The following ARHGAP44 variants were observed in gnomAD, a reference collection of about 807,000 sequenced individuals.
ARHGAP44 encodes the protein rho GTPase-activating protein 44.
Under a neutral mutation model 106.8 loss-of-function variants are expected in ARHGAP44, and 43 were observed. The ratio of observed to expected loss-of-function variants is 0.40; its 90% CI spans 0.32 to 0.52. The LOEUF is 0.52. ARHGAP44 is among the 20% of genes least tolerant of loss of function. The pLI is 0.48. For synonymous variants in ARHGAP44, 439 were observed against 410.3 expected (o/e 1.07, Z -0.85); for missense variants, 866 against 1,050.5 (o/e 0.82, Z 2.43).
chr17:12,866,569 C>T (rs767793210), intron 1 of ARHGAP44, among the ~76,000 whole-genome samples: 19 of 151,970 alleles, frequency 1.3e-4, no homozygotes, highest in South Asian at 2.1e-4. Context: ...GAAATTAGAC[C>T]GGCAAAAGAT....
intron 1 of ARHGAP44, among the ~76,000 whole-genome samples, chr17:12,845,442 A>G (rs1205090027): frequency 6.9e-6 from 1 of 143,930 alleles, no homozygotes; most frequent in Non-Finnish European, 1.5e-5. Flanking sequence ...CGGGAGGCGG[A>G]GGTTGCAGTG....
At chr17:12,971,144 G>A (rs773838244) in intron 16 of ARHGAP44, among the ~76,000 whole-genome samples, 3 of 152,178 alleles carry the variant, frequency 2.0e-5, no homozygotes, top group East Asian at 1.9e-4. Context: ...GAAGTAGCAC[G>A]TTGAACCCAT....
At chr17:12,944,230 C>A (rs755660479) in intron 10 of ARHGAP44, 34 bp downstream of exon 10, 2 of 1,559,272 alleles carry the variant, frequency 1.3e-6, no homozygotes, top group Admixed American at 1.8e-5. Flanking sequence ...CCGCCCCGGG[C>A]AGGTCTCCTC....
intron 1 of ARHGAP44, among the ~76,000 whole-genome samples, chr17:12,886,813 C>T (rs1021306848): frequency 2.0e-5 from 3 of 151,990 alleles, no homozygotes; most frequent in Non-Finnish European, 2.9e-5. Context: ...CTTAAACTTC[C>T]AGGACCATGA....
chr17:12,908,808 C>A (rs2150939632), intron 3 of ARHGAP44, 89 bp from the exon 4 acceptor site: 2 of 1,013,706 alleles, frequency 2.0e-6, no homozygotes, highest in Non-Finnish European at 3.0e-6. Flanking sequence ...TAATATAATA[C>A]CTTGGCAAGT....
chr17:12,874,188 C>T (rs1328899119), intron 1 of ARHGAP44, among the ~76,000 whole-genome samples: 5 of 152,122 alleles, frequency 3.3e-5, no homozygotes, highest in African/African-American at 9.7e-5. Flanking sequence ...AAGAGGCTGA[C>T]GGTTGAGTCT....
chr17:12,868,746 C>T (rs1480403369), intron 1 of ARHGAP44, among the ~76,000 whole-genome samples: 1 of 150,832 alleles, frequency 6.6e-6, no homozygotes, highest in Non-Finnish European at 1.5e-5. Flanking sequence ...CAACCTCCAC[C>T]TCCCGGGTTC....
At chr17:12,845,452 G>A (rs559299418) in intron 1 of ARHGAP44, among the ~76,000 whole-genome samples, 61 of 147,082 alleles carry the variant, frequency 4.1e-4, no homozygotes, top group African/African-American at 1.5e-3. Flanking sequence ...AGGTTGCAGT[G>A]AGCCGAGATC....
intron 1 of ARHGAP44, among the ~76,000 whole-genome samples, chr17:12,881,029 A>G (rs907055192): frequency 6.6e-6 from 1 of 151,836 alleles, no homozygotes; most frequent in Admixed American, 6.6e-5. Flanking sequence ...AATAGTTACA[A>G]TTTCCTCCTT....
intron 1 of ARHGAP44, among the ~76,000 whole-genome samples, chr17:12,852,936 G>A (rs998693147): frequency 6.6e-6 from 1 of 152,214 alleles, no homozygotes; most frequent in African/African-American, 2.4e-5. Flanking sequence ...GAACATAAGA[G>A]CAAGATATTC....
chr17:12,896,618 C>T (rs1343171534), intron 3 of ARHGAP44, 107 bp downstream of exon 3: 8 of 957,370 alleles, frequency 8.4e-6, no homozygotes, highest in Non-Finnish European at 1.1e-5. Context: ...TGCTTACGTG[C>T]CTGAGAATTG....
At chr17:12,940,871 AC>A (rs140558306) in intron 7 of ARHGAP44, among the ~76,000 whole-genome samples, 184 bp from the exon 8 acceptor site, 439 of 152,336 alleles carry the variant, frequency 2.9e-3, no homozygotes, top group African/African-American at 0.01. Flanking sequence ...TTTCAAACTT[AC>A]GCATTTTTCA....
chr17:12,922,386 C>T (rs944725983), intron 6 of ARHGAP44, among the ~76,000 whole-genome samples: 1 of 152,154 alleles, frequency 6.6e-6, no homozygotes, highest in Admixed American at 6.5e-5. Context: ...CCTTGTGCCA[C>T]GTAAAATTGC....
intron 16 of ARHGAP44, among the ~76,000 whole-genome samples, chr17:12,969,227 G>C (rs2039467337): frequency 6.6e-6 from 1 of 152,186 alleles, no homozygotes; most frequent in African/African-American, 2.4e-5. Context: ...CCTGATGTCA[G>C]CAGTAGAGTA....
At chr17:12,870,547 A>G (rs1481198023) in intron 1 of ARHGAP44, among the ~76,000 whole-genome samples, 1 of 152,148 alleles carries the variant, frequency 6.6e-6, no homozygotes, top group Non-Finnish European at 1.5e-5. Context: ...TTTCAAAATC[A>G]GGTAGTGGAG....
At chr17:12,821,793 A>G (rs751951390) in intron 1 of ARHGAP44, among the ~76,000 whole-genome samples, 3 of 152,164 alleles carry the variant, frequency 2.0e-5, no homozygotes. Flanking sequence ...TACTTTCACA[A>G]TGTTGCTTAT....
At chr17:12,960,844 G>A (rs1282065028) in intron 16 of ARHGAP44, among the ~76,000 whole-genome samples, 1 of 152,146 alleles carries the variant, frequency 6.6e-6, no homozygotes, top group Non-Finnish European at 1.5e-5. Flanking sequence ...GATTACAAGT[G>A]TGAGCCACTG....
At chr17:12,911,133 G>T (rs2150943134) in intron 4 of ARHGAP44, among the ~76,000 whole-genome samples, 1 of 151,680 alleles carries the variant, frequency 6.6e-6, no homozygotes, top group African/African-American at 2.4e-5. Flanking sequence ...GCAATCATAG[G>T]AGATGTAAAT....
chr17:12,841,594 T>TCTCTCTCACACACA, intron 1 of ARHGAP44, among the ~76,000 whole-genome samples: 1 of 126,516 alleles, frequency 7.9e-6, no homozygotes, highest in Non-Finnish European at 1.6e-5. Flanking sequence ...TGTCTCTCTC[T>TCTCTCTCACACACA]CACACACACA....
Sources: allele counts gnomAD v4.1 joint callset (sites outside exome capture counted in the v4.1 genomes callset), GRCh38; gene constraint gnomAD v4.1.1; transcripts MANE v1.5; gene names NCBI Gene and HGNC (gene_info 2026-07-23, HGNC 2026-07-21).